Variants in SOX30 observed in about 807,000 individuals in gnomAD.
SOX30 encodes the protein transcription factor SOX-30.
In SOX30, 17 loss-of-function variants were observed where a neutral mutation model predicts 58.6. That is an observed-to-expected ratio of 0.29 (90% CI 0.20 to 0.44). The LOEUF (loss-of-function observed/expected upper bound fraction) is 0.44. Ranked by LOEUF, SOX30 falls within the 20% of genes least tolerant of loss-of-function variation. SOX30 has a pLI of 1.00. For synonymous variants in SOX30, 421 were observed against 400.2 expected (o/e 1.05, Z -0.62); for missense variants, 951 against 965.8 (o/e 0.98, Z 0.20).
At chr5:157,645,214 A>G (rs1049726973) in intron 3 of SOX30, among the ~76,000 whole-genome samples, 1 of 150,950 alleles carries the variant, frequency 6.6e-6, no homozygotes, top group Admixed American at 6.6e-5. Context: ...ACATTAAAAA[A>G]CAACAACAAC....
upstream of SOX30, chr5:157,652,472 G>T: frequency 2.6e-6 from 2 of 770,596 alleles, no homozygotes; most frequent in Non-Finnish European, 3.2e-6. Flanking sequence ...CTTCCAGGCC[G>T]CTGACATCCA....
chr5:157,658,293 A>G lies in SOX30; in HGVS notation c.53-9397T>C, dbSNP rs548517584. On this transcript the variant is annotated intron_variant, in intron 2 of 5. Coordinates refer to the SOX30 transcript ENST00000519442. ...ATCAGTCTTACCGTGATTTGTCTTT[A>G]GTAAAAATGGGAAACTGGAGAGAGA... 2.8e-4 allele frequency among the ~76,000 whole-genome samples: 42 copies of G among 152,372 alleles called. No homozygotes were observed. The South Asian group carries it at 8.5e-3, about 31-fold the overall frequency.
chr5:157,650,312 T>C (rs1420063876), intron 1 of SOX30, among the ~76,000 whole-genome samples: 1 of 151,846 alleles, frequency 6.6e-6, no homozygotes, highest in Non-Finnish European at 1.5e-5. Context: ...AGAGGAAGAA[T>C]CAACACAGAA....
chr5:157,638,550 G>C lies in SOX30; in HGVS notation c.1560C>G (p.Asp520Glu). Residue 520 changes from aspartate (D) to glutamate (E), a missense_variant, in exon 4 of 5, where the codon GAC (aspartate) becomes GAG (glutamate). By Grantham distance (45) the Asp-to-Glu change is conservative. This residue lies in a region of SOX30 where 381 missense variants were observed against 390.0 expected (regional missense o/e 0.98). Coordinates refer to ENST00000265007, the MANE Select transcript of SOX30 (RefSeq NM_178424.2). ...PQRFTGPSQT[D>E]THQLHSEATH... ...TGGCTTCAGAATGCAGCTGATGAGT[G>C]TCTGTTTGGGAAGGCCCAGTAAAGC... The C allele has an allele frequency of 6.2e-7, 1 of 1,614,186 alleles. No homozygotes were observed. The highest frequency in any genetic ancestry group is 8.5e-7 in the Non-Finnish European group (1 of 1,180,036).
intron 3 of SOX30, among the ~76,000 whole-genome samples, chr5:157,643,255 A>T (rs981858236): frequency 1.3e-5 from 2 of 152,024 alleles, no homozygotes; most frequent in Non-Finnish European, 2.9e-5. Flanking sequence ...GTGAAACCCT[A>T]CTAAAACTAC....
intron 4 of SOX30, among the ~76,000 whole-genome samples, chr5:157,631,156 T>A (rs1400175077): frequency 6.7e-6 from 1 of 149,078 alleles, no homozygotes; most frequent in Non-Finnish European, 1.5e-5. Context: ...TGATCATAGC[T>A]CACTACAGTC....
At position 157,651,179 on chromosome 5, in the gene SOX30, G is replaced by C. The variant is rs1481095052; in HGVS notation, c.900C>G (p.Ser300=). The C allele has an allele frequency of 6.2e-7, 1 of 1,608,562 alleles. No homozygotes were observed. Residue 300 remains serine (S), a synonymous_variant, in exon 1 of 5, where the codon TCC becomes TCG. Transcript: ENST00000265007. ...PLTPVPTKMQ[S]LLEPSVKIET... ...CAATTTTTACAGAAGGCTCCAGTAGGGACTGCATTTTAGTAGGCACTGGTG... is the reference window on the plus strand; with the variant it reads ...CAATTTTTACAGAAGGCTCCAGTAGCGACTGCATTTTAGTAGGCACTGGTG...
intron 4 of SOX30, among the ~76,000 whole-genome samples, chr5:157,627,266 G>A (rs941520379): frequency 6.6e-6 from 1 of 152,130 alleles, no homozygotes; most frequent in Non-Finnish European, 1.5e-5. Context: ...AGGAGGCTGA[G>A]GCAGGAGGAT....
chr5:157,651,075 G>A lies in SOX30; in HGVS notation c.967+37C>T, dbSNP rs202243395. 47 of 1,433,366 alleles carry A rather than the reference G, an allele frequency of 3.3e-5. No individual in the cohort carries two copies. The African/African-American group carries it at 6.4e-4, about 20-fold the overall frequency. 88.8% of individuals were successfully genotyped at this position (1,433,366 alleles called of 1,614,324 possible). A position where few individuals can be genotyped will look rare whatever the true frequency, so the allele number is the denominator to read the frequency against. On this transcript the variant is annotated intron_variant, in intron 1 of 4. Coordinates refer to ENST00000265007, the MANE Select transcript of SOX30 (RefSeq NM_178424.2). ...CAAAACAGCTATGGGCAACACAGAC[G>A]CAGTTTTGAAAACCCGACTCCCCTG...
intron 4 of SOX30, among the ~76,000 whole-genome samples, chr5:157,630,977 TTA>T (rs1056934204): frequency 2.3e-5 from 3 of 127,842 alleles, no homozygotes; most frequent in Admixed American, 8.7e-5. Flanking sequence ...CTATATATTT[TTA>T]TATATATACT....
intron 4 of SOX30, among the ~76,000 whole-genome samples, chr5:157,635,640 C>T (rs772272838): frequency 4.0e-5 from 6 of 151,504 alleles, no homozygotes; most frequent in Non-Finnish European, 8.8e-5. Context: ...AAAACAAAAA[C>T]AAAAACAAAG....
At chr5:157,636,637 C>CA (rs1277289670) in intron 4 of SOX30, among the ~76,000 whole-genome samples, 1 of 152,070 alleles carries the variant, frequency 6.6e-6, no homozygotes, top group Non-Finnish European at 1.5e-5. Context: ...GCTAAGGGCC[C>CA]AAAAGCAAGC....
intron 4 of SOX30, among the ~76,000 whole-genome samples, chr5:157,634,202 G>A (rs1008904983): frequency 8.5e-5 from 13 of 152,176 alleles, no homozygotes; most frequent in South Asian, 2.1e-4. Context: ...AGTGAACTGC[G>A]TAGCGAAAAG....
chr5:157,643,891 A>G (rs1759129591), intron 3 of SOX30, among the ~76,000 whole-genome samples: 1 of 152,166 alleles, frequency 6.6e-6, no homozygotes, highest in African/African-American at 2.4e-5. Flanking sequence ...TGTGTGCTAT[A>G]ATCTGTTCTA....
intron 3 of SOX30, among the ~76,000 whole-genome samples, chr5:157,643,327 G>T (rs1015965151): frequency 1.3e-5 from 2 of 152,198 alleles, no homozygotes; most frequent in African/African-American, 4.8e-5. Context: ...GGCTCAGGCA[G>T]GAAAATCACT....
At chr5:157,664,783 T>C (rs1274741056) in intron 2 of SOX30, among the ~76,000 whole-genome samples, 2 of 152,090 alleles carry the variant, frequency 1.3e-5, no homozygotes, top group East Asian at 1.9e-4. Flanking sequence ...AAAAAGTGGG[T>C]GAAGGATATG....
chr5:157,630,273 T>C (rs1758758839), intron 4 of SOX30, among the ~76,000 whole-genome samples: 2 of 152,228 alleles, frequency 1.3e-5, no homozygotes, highest in African/African-American at 2.4e-5. Context: ...TTAAACTGTC[T>C]ATTAAGTCCA....
At chr5:157,668,011 G>A (rs892342660) in intron 1 of SOX30, among the ~76,000 whole-genome samples, 1 of 152,212 alleles carries the variant, frequency 6.6e-6, no homozygotes, top group Non-Finnish European at 1.5e-5. Flanking sequence ...GGAACTTAAT[G>A]TCAGATGTGA....
intron 2 of SOX30, among the ~76,000 whole-genome samples, chr5:157,665,433 C>T (rs1375541796): frequency 6.6e-6 from 1 of 152,008 alleles, no homozygotes; most frequent in East Asian, 1.9e-4. Context: ...GAACATCACA[C>T]ACCGGGGCCT....
Sources: allele counts gnomAD v4.1 joint callset (sites outside exome capture counted in the v4.1 genomes callset), GRCh38; gene constraint gnomAD v4.1.1; regional missense constraint gnomAD v4.1.1; transcripts MANE v1.5; gene names NCBI Gene and HGNC (gene_info 2026-07-23, HGNC 2026-07-21).